Variants in MYO5A observed in about 807,000 individuals in gnomAD.
MYO5A encodes the protein unconventional myosin-Va.
In MYO5A, 98 loss-of-function variants were observed where a neutral mutation model predicts 249.7. The observed-to-expected ratio is 0.39, with a 90% CI of 0.33 to 0.46. The LOEUF is 0.46. MYO5A is among the 20% of genes least tolerant of loss of function. The pLI, the probability that MYO5A is intolerant of heterozygous loss-of-function variation, is 0.98. For synonymous variants in MYO5A, 778 were observed against 810.6 expected, an observed-to-expected ratio of 0.96 and a Z score of 0.68; for missense variants, 1,696 against 2,308.8, an observed-to-expected ratio of 0.73 and a Z score of 5.44.
At chr15:52,335,079 T>C (rs1220821792) in intron 34 of MYO5A, among the ~76,000 whole-genome samples, 2 of 152,220 alleles carry the variant, frequency 1.3e-5, no homozygotes, top group African/African-American at 2.4e-5. Flanking sequence ...TCCTCAGTGA[T>C]GGGGAATCTT....
intron 4 of MYO5A, among the ~76,000 whole-genome samples, chr15:52,424,476 G>C (rs573356463): frequency 6.6e-6 from 1 of 152,212 alleles, no homozygotes; most frequent in African/African-American, 2.4e-5. Flanking sequence ...AAAATGGAAA[G>C]CAATTAAATA....
chr15:52,447,548 T>G (rs998433445), intron 1 of MYO5A, among the ~76,000 whole-genome samples: 17 of 152,192 alleles, frequency 1.1e-4, no homozygotes, highest in African/African-American at 3.6e-4. Context: ...TGGAAGTGGC[T>G]TTAGACCTGG....
chr15:52,490,437 C>T (rs778626585), intron 1 of MYO5A, among the ~76,000 whole-genome samples: 13 of 152,032 alleles, frequency 8.6e-5, no homozygotes, highest in South Asian at 2.1e-4. Flanking sequence ...AAAGATGTCA[C>T]GACATGGATG....
chr15:52,319,737 G>GA (rs1258795927), intron 38 of MYO5A, among the ~76,000 whole-genome samples: 1 of 151,788 alleles, frequency 6.6e-6, no homozygotes, highest in Non-Finnish European at 1.5e-5. Flanking sequence ...TTTCAAAAAA[G>GA]AAAAAAATGA....
At chr15:52,459,147 A>ATTTTTTTTTTTTTTTTTTTT (rs531798708) in intron 1 of MYO5A, among the ~76,000 whole-genome samples, 21 of 64,284 alleles carry the variant, frequency 3.3e-4, no homozygotes, top group East Asian at 1.1e-3. Context: ...TTTTCCAGAA[A>ATTTTTTTTTTTTTTTTTTTT]TTTTTTTTTT....
chr15:52,486,109 C>G (rs2076814398), intron 1 of MYO5A, among the ~76,000 whole-genome samples: 1 of 152,124 alleles, frequency 6.6e-6, no homozygotes, highest in Non-Finnish European at 1.5e-5. Context: ...TCCAATTCAA[C>G]ACGTATTTAC....
intron 37 of MYO5A, among the ~76,000 whole-genome samples, chr15:52,322,681 A>T (rs553400739): frequency 6.6e-6 from 1 of 152,220 alleles, no homozygotes; most frequent in Non-Finnish European, 1.5e-5. Flanking sequence ...TTTGAAGTCT[A>T]TCAAACAACT....
At chr15:52,371,606 T>G (rs571894108) in intron 21 of MYO5A, among the ~76,000 whole-genome samples, 4 of 152,024 alleles carry the variant, frequency 2.6e-5, no homozygotes, top group African/African-American at 4.8e-5. Context: ...AATAATTTCC[T>G]GCCAGGCATG....
chr15:52,351,886 A>G (rs2039972943), intron 27 of MYO5A, among the ~76,000 whole-genome samples: 1 of 152,206 alleles, frequency 6.6e-6, no homozygotes, highest in Non-Finnish European at 1.5e-5. Context: ...AATGATTCAG[A>G]TGGGTGGATC....
chr15:52,321,792 TAAAAAAA>T (rs71875115), intron 37 of MYO5A, among the ~76,000 whole-genome samples: 1 of 92,842 alleles, frequency 1.1e-5, no homozygotes, highest in Non-Finnish European at 2.2e-5. Flanking sequence ...GGAACTTAAC[TAAAAAAA>T]AAAAAAAAAA....
At chr15:52,480,974 T>C (rs566674527) in intron 1 of MYO5A, among the ~76,000 whole-genome samples, 6 of 152,320 alleles carry the variant, frequency 3.9e-5, no homozygotes, top group South Asian at 2.1e-4. Context: ...CATGGTTGGG[T>C]TCCCTTATGC....
Position 52,523,124 on chromosome 15 carries a change from A to T in MYO5A, c.27+5656T>A, listed in dbSNP as rs139364356. 4.5e-4 allele frequency among the ~76,000 whole-genome samples: 68 copies of T among 152,338 alleles called. 1 individual carries two copies. The East Asian group carries it at 7.1e-3, about 16-fold the overall frequency. On this transcript the variant is annotated intron_variant, in intron 1 of 41. Coordinates refer to ENST00000399233, the MANE Select transcript of MYO5A (RefSeq NM_001382347.1). The stretch of plus-strand genomic sequence containing the variant: ...AGTTTCCAAGTCTGGAGCTACTGGC[A>T]TTATTTCATACTACTCCTGCTCCTT...
intron 30 of MYO5A, among the ~76,000 whole-genome samples, chr15:52,346,102 AAG>A (rs1314690352): frequency 8.5e-5 from 13 of 152,316 alleles, no homozygotes; most frequent in South Asian, 2.1e-4. Context: ...CAGCCCCTTA[AAG>A]CTAAGACATT....
intron 1 of MYO5A, among the ~76,000 whole-genome samples, chr15:52,478,215 C>A (rs980981515): frequency 6.6e-6 from 1 of 152,292 alleles, no homozygotes; most frequent in African/African-American, 2.4e-5. Flanking sequence ...CCGAGCCAGG[C>A]GCGGGATATA....
chr15:52,477,571 A>T (rs539095805), intron 1 of MYO5A, among the ~76,000 whole-genome samples: 1 of 152,186 alleles, frequency 6.6e-6, no homozygotes, highest in South Asian at 2.1e-4. Flanking sequence ...AGTGATGGTG[A>T]CGTACAGATG....
intron 9 of MYO5A, among the ~76,000 whole-genome samples, chr15:52,398,878 A>T (rs2042606638): frequency 6.6e-6 from 1 of 152,116 alleles, no homozygotes; most frequent in Non-Finnish European, 1.5e-5. Context: ...AATCCCAGCT[A>T]CTGGGGAGGC....
At chr15:52,324,051 C>T (rs1391566175) in intron 36 of MYO5A, among the ~76,000 whole-genome samples, 1 of 135,254 alleles carries the variant, frequency 7.4e-6, no homozygotes, top group Non-Finnish European at 1.6e-5. Context: ...CACCCAGCTA[C>T]AGCTAGCCCA....
chr15:52,413,364 G>GA (rs1369161765), intron 5 of MYO5A, among the ~76,000 whole-genome samples: 1 of 151,730 alleles, frequency 6.6e-6, no homozygotes, highest in East Asian at 1.9e-4. Context: ...AAATTTCCAG[G>GA]AAAAAATGAA....
At chr15:52,450,375 T>A (rs2075990114) in intron 1 of MYO5A, among the ~76,000 whole-genome samples, 1 of 151,012 alleles carries the variant, frequency 6.6e-6, no homozygotes, top group Admixed American at 6.6e-5. Context: ...AAAAAAAAAA[T>A]TAGAGATGGG....
Sources: gnomAD v4.1 joint callset for allele counts (sites outside exome capture counted in the v4.1 genomes callset) on GRCh38, gnomAD v4.1.1 for gene constraint, MANE v1.5 for transcripts, NCBI Gene and HGNC (gene_info 2026-07-23, HGNC 2026-07-21) for gene names.